Variants in PPP2R5E observed in about 807,000 individuals in gnomAD.
The protein encoded by PPP2R5E is protein phosphatase 2 regulatory subunit B'epsilon.
PPP2R5E carries 4 observed loss-of-function variants against 65.3 expected under a neutral mutation model. The observed-to-expected ratio is 0.06, with a 90% CI of 0.03 to 0.14. The LOEUF (loss-of-function observed/expected upper bound fraction) is 0.14. Ranked by LOEUF, PPP2R5E falls within the 10% of genes least tolerant of loss-of-function variation. The probability of loss-of-function intolerance (pLI) is 1.00; values close to 1 mark genes in which losing one functional copy is unlikely to be tolerated. For synonymous variants in PPP2R5E, 183 were observed against 187.4 expected (o/e 0.98, Z 0.19); for missense variants, 274 against 556.1 (o/e 0.49, Z 5.10).
In PPP2R5E at chr14:63,430,714, G is replaced by A. The variant is rs542783048; in HGVS notation, c.355-8620C>T. ...AGAGCAGACAAATATCTTTTAAGCC[G>A]ATACTTTAATTAGGAAACAAATGGC... is the stretch of plus-strand genomic sequence containing the variant. On this transcript the variant is annotated intron_variant, in intron 3 of 13. Coordinates refer to ENST00000337537, the MANE Select transcript of PPP2R5E (RefSeq NM_006246.5). 3.9e-5 allele frequency among the ~76,000 whole-genome samples: 6 copies of A among 152,188 alleles called. No homozygotes were observed. In the South Asian group the frequency reaches 6.2e-4, roughly 16 times the overall value.
At chr14:63,481,869 T>C (rs1890719972) in intron 2 of PPP2R5E, among the ~76,000 whole-genome samples, 2 of 152,228 alleles carry the variant, frequency 1.3e-5, no homozygotes, top group Non-Finnish European at 2.9e-5. Flanking sequence ...TATTTTTTAT[T>C]CTGACAAAAT....
chr14:63,449,870 C>CTTT (rs1485905964), intron 3 of PPP2R5E, among the ~76,000 whole-genome samples: 3 of 132,148 alleles, frequency 2.3e-5, no homozygotes, highest in African/African-American at 9.7e-5. Context: ...TTTTCTTTTC[C>CTTT]TATTTTTTTT....
At chr14:63,459,195 T>C (rs1889320231) in intron 2 of PPP2R5E, among the ~76,000 whole-genome samples, 2 of 152,320 alleles carry the variant, frequency 1.3e-5, no homozygotes, top group Non-Finnish European at 2.9e-5. Context: ...ATTAAGCAGA[T>C]TGAGCCGTGA....
At chr14:63,414,414 C>A (rs973506853) in intron 5 of PPP2R5E, among the ~76,000 whole-genome samples, 3 of 152,052 alleles carry the variant, frequency 2.0e-5, no homozygotes, top group East Asian at 3.9e-4. Flanking sequence ...ACATTAGATG[C>A]CCCACATGTC....
intron 2 of PPP2R5E, among the ~76,000 whole-genome samples, chr14:63,522,177 C>T (rs1403170703): frequency 1.3e-5 from 2 of 152,096 alleles, no homozygotes. Context: ...AGCTCCTAAC[C>T]GCGAGTGATC....
intron 3 of PPP2R5E, among the ~76,000 whole-genome samples, chr14:63,425,590 AC>A (rs529903412): frequency 1.2e-4 from 18 of 152,130 alleles, no homozygotes; most frequent in African/African-American, 4.1e-4. Context: ...GGGCATATAA[AC>A]TCTCTTACAG....
intron 2 of PPP2R5E, among the ~76,000 whole-genome samples, chr14:63,479,078 G>A (rs1171734534): frequency 6.6e-6 from 1 of 152,100 alleles, no homozygotes; most frequent in Non-Finnish European, 1.5e-5. Flanking sequence ...GCAGTGAGCT[G>A]AGATCATGCC....
intron 6 of PPP2R5E, 79 bp from the exon 7 acceptor site, chr14:63,395,364 G>A: frequency 2.3e-6 from 2 of 883,080 alleles, no homozygotes; most frequent in East Asian, 2.8e-5. Context: ...AGGAGGAGGA[G>A]GAGAAGGGGG....
At chr14:63,510,646 T>A (rs1413294086) in intron 2 of PPP2R5E, among the ~76,000 whole-genome samples, 1 of 152,198 alleles carries the variant, frequency 6.6e-6, no homozygotes, top group East Asian at 1.9e-4. Context: ...GGCCTGTTAG[T>A]GTGTTTGAGA....
chr14:63,461,941 A>G (rs1419551839), intron 2 of PPP2R5E, among the ~76,000 whole-genome samples: 1 of 151,874 alleles, frequency 6.6e-6, no homozygotes, highest in Non-Finnish European at 1.5e-5. Context: ...CACTTTTCCC[A>G]GTACTGCCAA....
chr14:63,497,582 T>G (rs1268240135), intron 2 of PPP2R5E, among the ~76,000 whole-genome samples: 2 of 151,982 alleles, frequency 1.3e-5, no homozygotes, highest in Non-Finnish European at 2.9e-5. Context: ...AACCCGTCTC[T>G]ACAAAAAACA....
intron 2 of PPP2R5E, among the ~76,000 whole-genome samples, chr14:63,493,194 T>C (rs1026044301): frequency 6.6e-6 from 1 of 151,688 alleles, no homozygotes; most frequent in Non-Finnish European, 1.5e-5. Flanking sequence ...ATAACTCTTT[T>C]TTGGTTTGGT....
At chr14:63,391,759 T>G (rs1885037576) in intron 10 of PPP2R5E, 58 bp downstream of exon 10, 3 of 1,560,760 alleles carry the variant, frequency 1.9e-6, no homozygotes, top group East Asian at 2.2e-5. Context: ...AGCCCAATCC[T>G]TGGCACTCAG....
intron 2 of PPP2R5E, among the ~76,000 whole-genome samples, chr14:63,519,027 T>A (rs916272313): frequency 2.0e-5 from 3 of 152,090 alleles, no homozygotes; most frequent in African/African-American, 7.2e-5. Flanking sequence ...GAGACCAGCC[T>A]AACATGGAGA....
In PPP2R5E at chr14:63,415,132, T is replaced by C. The variant is rs768524540; in HGVS notation, c.549+8A>G. ...GACAAATACACACAACCACAATAATTTGCTTACCTGTAATACAAATTTCTG... is the reference window on the plus strand; with the variant it reads ...GACAAATACACACAACCACAATAATCTGCTTACCTGTAATACAAATTTCTG... On this transcript the variant is annotated splice_region_variant and intron_variant, in intron 5 of 13. Coordinates refer to ENST00000337537, the MANE Select transcript of PPP2R5E (RefSeq NM_006246.5). 9 of 1,535,320 alleles carry C rather than the reference T, an allele frequency of 5.9e-6. No individual in the cohort carries two copies. In the African/African-American group the frequency reaches 6.9e-5, roughly 12 times the overall value.
chr14:63,539,429 T>C lies in PPP2R5E; in HGVS notation c.157+100A>G, dbSNP rs1258087804. The C allele has an allele frequency of 2.3e-6, 3 of 1,309,200 alleles. No individual in the cohort carries two copies. In the Admixed American group the frequency reaches 7.0e-5, roughly 31 times the overall value. The allele number at this position is 1,309,200 out of a possible 1,614,324, so 81.1% of individuals were successfully genotyped here. ...CAATGTATGTGAAGTATCCCATCCC[T>C]TCAATTTGCAACACATATAAAACTC... On this transcript the variant is annotated intron_variant, in intron 2 of 13. Coordinates refer to ENST00000337537, the MANE Select transcript of PPP2R5E (RefSeq NM_006246.5).
At chr14:63,430,857 T>C (rs780525559) in intron 3 of PPP2R5E, among the ~76,000 whole-genome samples, 13 of 152,342 alleles carry the variant, frequency 8.5e-5, no homozygotes, top group Non-Finnish European at 1.9e-4. Flanking sequence ...TCTACTGTAG[T>C]TTCCACTTCA....
At position 63,389,999 on chromosome 14, in the gene PPP2R5E, C is replaced by T. The variant is rs374339318; in HGVS notation, c.955-268G>A. ...AACGAGGGACACTCACACACTGCAC[C>T]GGCCCCTGAGAAGCAAAACTGACCC... On this transcript the variant is annotated intron_variant, in intron 10 of 13. Coordinates refer to ENST00000337537, the MANE Select transcript of PPP2R5E (RefSeq NM_006246.5). 5.3e-5 allele frequency among the ~76,000 whole-genome samples: 8 copies of T among 152,050 alleles called. No homozygotes were observed. In the East Asian group the frequency reaches 1.2e-3, roughly 22 times the overall value.
chr14:63,539,290 A>C (rs376900456), intron 2 of PPP2R5E, among the ~76,000 whole-genome samples: 21 of 152,198 alleles, frequency 1.4e-4, no homozygotes, highest in East Asian at 1.3e-3. Flanking sequence ...TAGTTTACCT[A>C]CTCATCAATG....
Sources: allele counts gnomAD v4.1 joint callset (sites outside exome capture counted in the v4.1 genomes callset), GRCh38; gene constraint gnomAD v4.1.1; transcripts MANE v1.5; gene names NCBI Gene and HGNC (gene_info 2026-07-23, HGNC 2026-07-21).